Variants in TAP2 observed in about 807,000 individuals in gnomAD.
TAP2 encodes the protein antigen peptide transporter 2.
A neutral mutation model predicts 74.7 loss-of-function variants in TAP2; 49 were observed. The observed-to-expected ratio is 0.66, with a 90% CI of 0.52 to 0.83. TAP2 has a LOEUF of 0.83. Among genes scored for constraint, TAP2 ranks in the 40% least tolerant of loss-of-function variants. The probability of loss-of-function intolerance (pLI) is 0.00; values close to 1 mark genes in which losing one functional copy is unlikely to be tolerated. For synonymous variants in TAP2, 306 were observed against 368.4 expected (o/e 0.83, Z 1.94); for missense variants, 739 against 859.0 (o/e 0.86, Z 1.75).
Position 32,830,289 on chromosome 6 carries a change from T to A in TAP2, c.1613A>T (p.Glu538Val), listed in dbSNP as rs1768975833. Residue 538 changes from glutamate (E) to valine (V), a missense_variant, in exon 9 of 12, where the codon GAA becomes GTA. Physicochemically the swap from Glu to Val is moderately radical, Grantham distance 121 (BLOSUM62 -2). Transcript: ENST00000374897. ...CACCTGGCTGTGCAGGTAGCAGTGT[T>A]CATACTGTGAGATGGGCTTTTCATC... ...LLDEKPISQYEHCYLHSQVVS... is the reference protein window; with the variant it reads ...LLDEKPISQYVHCYLHSQVVS... The A allele has an allele frequency of 1.9e-6, 3 of 1,612,970 alleles. No homozygotes were observed. The highest frequency in any genetic ancestry group is 2.5e-6 in the Non-Finnish European group (3 of 1,180,020).
Position 32,838,005 on chromosome 6 carries a change from C to T in TAP2, c.229G>A (p.Val77Ile). 2 of 1,612,554 alleles carry T rather than the reference C, an allele frequency of 1.2e-6. No individual in the cohort carries two copies. Among genetic ancestry groups the T allele is most frequent in the South Asian group, 2.2e-5 (2 of 91,048 alleles). Residue 77 changes from valine to isoleucine, a missense_variant, in exon 2 of 12, where the codon GTC becomes ATC. By Grantham distance (29) the Val-to-Ile change is conservative (BLOSUM62 3). Coordinates refer to ENST00000374897, the MANE Select transcript of TAP2 (RefSeq NM_001290043.2). Reference protein sequence around the residue: ...LPLCLATPLTVSLRALVAGAS... With the variant: ...LPLCLATPLTISLRALVAGAS... ...CCCGCGACCAGGGCTCTCAGGGAGACAGTCAGGGGGGTGGCCAGACAGAGC... is the reference window on the plus strand; with the variant it reads ...CCCGCGACCAGGGCTCTCAGGGAGATAGTCAGGGGGGTGGCCAGACAGAGC...
chr6:32,830,312 A>C lies in TAP2; in HGVS notation c.1590T>G (p.Asp530Glu). The C allele has an allele frequency of 1.2e-6, 2 of 1,612,966 alleles. No homozygotes were observed. The highest frequency in any genetic ancestry group is 8.5e-7 in the Non-Finnish European group (1 of 1,179,998). The change falls in exon 9 of 12, where the codon GAT becomes GAG. Residue 530 changes from aspartate to glutamate, a missense_variant. By Grantham distance (45) the Asp-to-Glu change is conservative. Transcript: ENST00000374897. Reference sequence around the variant, plus strand: ...GTTCATACTGTGAGATGGGCTTTTCATCCAGCAGCACCTGTCCCCCTGTGG... The same window carrying C: ...GTTCATACTGTGAGATGGGCTTTTCCTCCAGCAGCACCTGTCCCCCTGTGG... Reference protein sequence around the residue: ...YQPTGGQVLLDEKPISQYEHC... With the variant: ...YQPTGGQVLLEEKPISQYEHC...
intron 3 of TAP2, among the ~76,000 whole-genome samples, chr6:32,836,751 T>C (rs1769443138): frequency 6.6e-6 from 1 of 152,244 alleles, no homozygotes; most frequent in Non-Finnish European, 1.5e-5. Context: ...CACCATCTTA[T>C]ATGTGGCCCA....
intron 11 of TAP2, 50 bp downstream of exon 11, chr6:32,829,350 A>C: frequency 6.4e-7 from 1 of 1,560,968 alleles, no homozygotes; most frequent in Non-Finnish European, 8.7e-7. Context: ...TGATCCTCCC[A>C]GCATGCCCCT....
Position 32,829,537 on chromosome 6 carries a change from C to G in TAP2, c.1796-1G>C, listed in dbSNP as rs779656950. On this transcript the variant is annotated splice_acceptor_variant, in intron 10 of 11. Transcript: ENST00000374897. LOFTEE classifies it high-confidence loss of function. Reference sequence around the variant, plus strand: ...AGCTGGCTTCCCTTCTCCCCTACATCTGAGGAAATCAGAGAAATTCCCTTC... The same window carrying G: ...AGCTGGCTTCCCTTCTCCCCTACATGTGAGGAAATCAGAGAAATTCCCTTC... 2 of 1,614,050 alleles carry G rather than the reference C, an allele frequency of 1.2e-6. No individual in the cohort carries two copies. Among genetic ancestry groups the G allele is most frequent in the East Asian group, 2.2e-5 (1 of 44,888 alleles).
At chr6:32,822,874 AT>A (rs981085310), downstream of TAP2, among the ~76,000 whole-genome samples, 8 of 142,298 alleles carry the variant, frequency 5.6e-5, no homozygotes, top group African/African-American at 1.3e-4. Flanking sequence ...TAGCATATCT[AT>A]TTTTTTATTG....
At chr6:32,824,567 G>T (rs531239414), downstream of TAP2, among the ~76,000 whole-genome samples, 1 of 151,972 alleles carries the variant, frequency 6.6e-6, no homozygotes, top group Non-Finnish European at 1.5e-5. Flanking sequence ...AATATATGGT[G>T]CTCTGTATTT....
At position 32,826,261 on chromosome 6, in the gene TAP2, CAT is replaced by C; in HGVS notation, c.*2643_*2644del. 3.0e-6 allele frequency: 3 copies of C among 985,426 alleles called. No individual in the cohort carries two copies. Among genetic ancestry groups the C allele is most frequent in the Non-Finnish European group, 3.6e-6 (3 of 829,948 alleles). The allele number at this position is 985,426 out of a possible 1,614,324, so 61.0% of individuals were successfully genotyped here. A position where few individuals can be genotyped will look rare whatever the true frequency, so the allele number is the denominator to read the frequency against. On this transcript the variant is annotated 3_prime_UTR_variant, in exon 12 of 12. Transcript: ENST00000374897. ...GACTTGAAACTCAATGCTGTTTCCA[CAT>C]AGGGCCGGGCAGACAGGCTATGGAG...
At position 32,826,475 on chromosome 6, in the gene TAP2, T is replaced by A; in HGVS notation, c.*2431A>T. ...GGGGGTAGGAGTGAACAAAAAGAAC[T>A]CTGGAGCAAACCAGGATTAGTGACA... On this transcript the variant is annotated 3_prime_UTR_variant, in exon 12 of 12. Transcript: ENST00000374897. The A allele has an allele frequency of 1.0e-6, 1 of 985,356 alleles. No individual in the cohort carries two copies. The highest frequency in any genetic ancestry group is 1.2e-6 in the Non-Finnish European group (1 of 829,916). The allele number at this position is 985,356 out of a possible 1,614,324, so 61.0% of individuals were successfully genotyped here.
In TAP2 at chr6:32,838,198, C is replaced by A; in HGVS notation, c.36G>T (p.Leu12=). ...ACAGTAAAGCCGCGTCCACCAGCAG[C>A]AGGGAGGTCCAGGGTCTCAGGTCAG... The part of the protein sequence containing the change: ...RLPDLRPWTS[L]LLVDAALLWL... Residue 12 remains leucine, a synonymous_variant, in exon 2 of 12, where the codon CTG becomes CTT. Transcript: ENST00000374897. 2 of 1,587,684 alleles carry A rather than the reference C, an allele frequency of 1.3e-6. No homozygotes were observed. Among genetic ancestry groups the A allele is most frequent in the Non-Finnish European group, 8.6e-7 (1 of 1,167,952 alleles).
At position 32,830,098 on chromosome 6, in the gene TAP2, C is replaced by T. The variant is rs1394540373; in HGVS notation, c.1636-9G>A. 1.2e-6 allele frequency: 2 copies of T among 1,612,942 alleles called. No individual in the cohort carries two copies. Among genetic ancestry groups the T allele is most frequent in the South Asian group, 1.1e-5 (1 of 91,080 alleles). The stretch of plus-strand genomic sequence containing the variant: ...TGCCCAACTGAAACCACCTGTGCAG[C>T]AGGGACAGGGGCAGAGGACTATGTG... On this transcript the variant is annotated splice_polypyrimidine_tract_variant and intron_variant, in intron 9 of 11. Coordinates refer to ENST00000374897, the MANE Select transcript of TAP2 (RefSeq NM_001290043.2).
At chr6:32,825,126 T>TTTTATATATATATATATATATA (rs1554230833), downstream of TAP2, among the ~76,000 whole-genome samples, 3 of 140,686 alleles carry the variant, frequency 2.1e-5, no homozygotes, top group Admixed American at 1.5e-4. Context: ...TGTCTGTTGG[T>TTTTATATATATATATATATATA]TATATACATA....
chr6:32,837,636 G>C lies in TAP2; in HGVS notation c.509C>G (p.Pro170Arg). The change falls in exon 3 of 12, where the codon CCT becomes CGT. Residue 170 changes from proline (P) to arginine (R), a missense_variant. Physicochemically the swap from Pro to Arg is moderately radical, Grantham distance 103. Transcript: ENST00000374897. Reference protein sequence around the residue: ...VLAVLGETLIPHYSGRVIDIL... With the variant: ...VLAVLGETLIRHYSGRVIDIL... The stretch of plus-strand genomic sequence containing the variant: ...GTCAATCACACGACCAGAATAGTGA[G>C]GGATTAATGTCTCACCTGAAAGAGG... The C allele has an allele frequency of 6.2e-7, 1 of 1,614,148 alleles. No individual in the cohort carries two copies. The highest frequency in any genetic ancestry group is 8.5e-7 in the Non-Finnish European group (1 of 1,180,014).
At chr6:32,823,429 ATTTTTTTTTTT>A (rs9280195), downstream of TAP2, among the ~76,000 whole-genome samples, 2 of 64,572 alleles carry the variant, frequency 3.1e-5, no homozygotes, top group Non-Finnish European at 5.4e-5. Flanking sequence ...GTCACACTCA[ATTTTTTTTTTT>A]TTTTTTTTTT....
At chr6:32,823,307 A>G (rs1157857099), downstream of TAP2, among the ~76,000 whole-genome samples, 1 of 152,042 alleles carries the variant, frequency 6.6e-6, no homozygotes, top group Non-Finnish European at 1.5e-5. Context: ...TTTTCCTTGT[A>G]TCTACCTTAA....
rs1768786363 is a variant in TAP2 at position 32,828,282 on chromosome 6, T to C, written c.*624A>G. 2.0e-6 allele frequency: 2 copies of C among 985,326 alleles called. No individual in the cohort carries two copies. The highest frequency in any genetic ancestry group is 2.4e-6 in the Non-Finnish European group (2 of 829,816). The allele number at this position is 985,326 out of a possible 1,614,324, so 61.0% of individuals were successfully genotyped here. A position where few individuals can be genotyped will look rare whatever the true frequency, so the allele number is the denominator to read the frequency against. ...AAATGGTAGCTGTTACCAATGTCGCTATTAATACTGTTAATCAGGGAACTG... is the reference window on the plus strand; with the variant it reads ...AAATGGTAGCTGTTACCAATGTCGCCATTAATACTGTTAATCAGGGAACTG... On this transcript the variant is annotated 3_prime_UTR_variant, in exon 12 of 12. Transcript: ENST00000374897.
Position 32,838,230 on chromosome 6 carries a change from G to T in TAP2, c.4C>A (p.Arg2=). 2 of 1,563,384 alleles carry T rather than the reference G, an allele frequency of 1.3e-6. No individual in the cohort carries two copies. Among genetic ancestry groups the T allele is most frequent in the South Asian group, 1.2e-5 (1 of 84,090 alleles). M[R]LPDLRPWTSL... ...GTCCAGGGTCTCAGGTCAGGGAGCC[G>T]CATGGCTCTGTCAACGGATACGAGA... Residue 2 remains arginine, a synonymous_variant, in exon 2 of 12, where the codon CGG becomes AGG. Transcript: ENST00000374897.
In TAP2 at chr6:32,828,213, A is replaced by G. The variant is rs755680996; in HGVS notation, c.*693T>C. 1.3e-5 allele frequency: 12 copies of G among 957,644 alleles called. No homozygotes were observed. The highest frequency in any genetic ancestry group is 1.5e-5 in the Non-Finnish European group (12 of 804,846). 59.3% of individuals were successfully genotyped at this position (957,644 alleles called of 1,614,324 possible). A position where few individuals can be genotyped will look rare whatever the true frequency, so the allele number is the denominator to read the frequency against. On this transcript the variant is annotated 3_prime_UTR_variant, in exon 12 of 12. Coordinates refer to ENST00000374897, the MANE Select transcript of TAP2 (RefSeq NM_001290043.2). Reference sequence around the variant, plus strand: ...GGATAATGATTAAAAACGATAATACATGAAAAACACTTAGCATAGCTCCTA... The same window carrying G: ...GGATAATGATTAAAAACGATAATACGTGAAAAACACTTAGCATAGCTCCTA...
intron 5 of TAP2, among the ~76,000 whole-genome samples, chr6:32,833,132 G>A (rs1769200433): frequency 6.6e-6 from 1 of 152,172 alleles, no homozygotes; most frequent in African/African-American, 2.4e-5. Context: ...GCCACAGATA[G>A]TTAAGAAAGG....
Sources: allele counts gnomAD v4.1 joint callset (sites outside exome capture counted in the v4.1 genomes callset), GRCh38; gene constraint gnomAD v4.1.1; transcripts MANE v1.5; gene names NCBI Gene and HGNC (gene_info 2026-07-23, HGNC 2026-07-21).